Variants in HK3 observed in about 807,000 individuals in gnomAD.
HK3 encodes hexokinase 3.
In HK3, 93 loss-of-function variants were observed where a neutral mutation model predicts 91.0. The observed-to-expected ratio is 1.02, with a 90% CI of 0.86 to 1.21. HK3 has a LOEUF of 1.21. Among genes scored for constraint, HK3 ranks in the 50% most tolerant of loss-of-function variants. The pLI is 0.00. For synonymous variants in HK3, 519 were observed against 516.9 expected, an observed-to-expected ratio of 1.00 and a Z score of -0.06; for missense variants, 1,235 against 1,247.4, an observed-to-expected ratio of 0.99 and a Z score of 0.15.
chr5:176,887,182 A>C lies in HK3; in HGVS notation c.1737+19T>G. ...CAGCCCTTCCCCACCTCTGACATCA[A>C]GGTTCAGGCTGTGGGTACCTGCTGC... On this transcript the variant is annotated intron_variant, in intron 12 of 18. Transcript: ENST00000292432. The surrounding 1 kb of genome is among the most constrained non-coding windows in gnomAD (Gnocchi z 4.9). The C allele has an allele frequency of 2.5e-6, 4 of 1,614,136 alleles. No homozygotes were observed. Among genetic ancestry groups the C allele is most frequent in the Non-Finnish European group, 3.4e-6 (4 of 1,180,026 alleles).
At chr5:176,888,645 C>CAGAG in intron 9 of HK3, 64 bp downstream of exon 9, 1 of 1,611,546 alleles carries the variant, frequency 6.2e-7, no homozygotes, top group Non-Finnish European at 8.5e-7. Context: ...ACCTTGGGAA[C>CAGAG]AGAGTATCAT....
At position 176,881,186 on chromosome 5, in the gene HK3, C is replaced by A. The variant is rs945052976; in HGVS notation, c.2659G>T (p.Glu887Ter). 4.9e-5 allele frequency: 79 copies of A among 1,613,040 alleles called. No individual in the cohort carries two copies. Among genetic ancestry groups the A allele is most frequent in the Non-Finnish European group, 6.4e-5 (76 of 1,179,958 alleles). ...FSSLVAATVRELAPRCVVTFL... is the reference protein window; with the variant it reads ...FSSLVAATVR The stretch of plus-strand genomic sequence containing the variant: ...GTGACCACACAGCGAGGGGCCAGCT[C>A]CCGCACTGTGGCCGCCACCAGGCTG... The change falls in exon 19 of 19, where the codon GAG becomes TAG. Residue 887 changes from glutamate to a stop codon, truncating the protein, a stop_gained. Transcript: ENST00000292432. LOFTEE classifies it high-confidence loss of function.
At chr5:176,891,295 T>C (rs757781327) in intron 3 of HK3, 93 bp downstream of exon 3, 2 of 1,607,602 alleles carry the variant, frequency 1.2e-6, no homozygotes, top group African/African-American at 1.3e-5. Context: ...CAAGGGGCCA[T>C]AGAGATGGGG....
chr5:176,896,709 G>A (rs992508312), intron 1 of HK3, among the ~76,000 whole-genome samples: 12 of 152,212 alleles, frequency 7.9e-5, no homozygotes, highest in African/African-American at 2.9e-4. Context: ...CCAGGCTAAG[G>A]CACATGAATT....
Position 176,890,688 on chromosome 5 carries a change from C to T in HK3, c.577G>A (p.Val193Met). The T allele has an allele frequency of 4.3e-6, 7 of 1,614,204 alleles. No homozygotes were observed. Among genetic ancestry groups the T allele is most frequent in the Non-Finnish European group, 5.9e-6 (7 of 1,180,020 alleles). ...SWTKGFRCSG[V>M]EGQDVVQLLR... Reference sequence around the variant, plus strand: ...AGCTGGACCACATCCTGGCCTTCCACACCACTGCACCTAAAACCTTTGGTC... The same window carrying T: ...AGCTGGACCACATCCTGGCCTTCCATACCACTGCACCTAAAACCTTTGGTC... The change falls in exon 6 of 19, where the codon GTG becomes ATG. Residue 193 changes from valine (V) to methionine (M), a missense_variant. Transcript: ENST00000292432.
In HK3 at chr5:176,882,015, G is replaced by A; in HGVS notation, c.2166C>T (p.Gly722=). The stretch of plus-strand genomic sequence containing the variant: ...AGCGGGTGCTGAGCATGGCCAGAGA[G>A]CCATCGTCCCCAAAGGCGCCCCACT... ...NMEWGAFGDD[G]SLAMLSTRFD... is the part of the protein sequence containing the mutation. The change falls in exon 16 of 19, where the codon GGC becomes GGT. Residue 722 remains glycine, a synonymous_variant. Coordinates refer to ENST00000292432, the MANE Select transcript of HK3 (RefSeq NM_002115.3). 1 of 1,613,304 alleles carries A rather than the reference G, an allele frequency of 6.2e-7. No homozygotes were observed. Among genetic ancestry groups the A allele is most frequent in the South Asian group, 1.1e-5 (1 of 91,080 alleles).
rs1758656908 is a variant in HK3, at chr5:176,888,333, T to G, written c.1303A>C (p.Arg435=). 6.4e-7 allele frequency: 1 copy of G among 1,553,360 alleles called. No individual in the cohort carries two copies. Among genetic ancestry groups the G allele is most frequent in the African/African-American group, 1.4e-5 (1 of 73,248 alleles). ...ATGCGGATCACGTTTCCACAATACC[T>G]GGGGTGCCGCTCACACACTCGGCCT... ...TGGRVCERHP[R]FCSVLQGTVM... is the part of the protein sequence containing the mutation. Residue 435 remains arginine, a splice_region_variant and synonymous_variant, in exon 10 of 19, where the codon AGG becomes CGG. Transcript: ENST00000292432.
At chr5:176,893,749 G>A (rs1280391867) in intron 2 of HK3, among the ~76,000 whole-genome samples, 4 of 152,208 alleles carry the variant, frequency 2.6e-5, no homozygotes, top group Non-Finnish European at 5.9e-5. Flanking sequence ...TTCGGGAGGA[G>A]AGACTAGAAG....
In HK3 at chr5:176,887,117, A is replaced by G; in HGVS notation, c.1742T>C (p.Phe581Ser). The change falls in exon 13 of 19, where the codon TTT (phenylalanine) becomes TCT (serine). Residue 581 changes from phenylalanine (F) to serine (S), a missense_variant. By Grantham distance (155) the Phe-to-Ser change is radical. Around this residue, in one of 3 missense-constraint regions of HK3, gnomAD observed 513 missense variants for 477.4 expected, o/e 1.07. Transcript: ENST00000292432. This position sits in a 1 kb window ranked among gnomAD's most constrained non-coding sequence, Gnocchi z 4.9. Reference sequence around the variant, plus strand: ...CACGATGCAGTCCACGATGTGGTCAAAGAGCTGTGGGGCAGGACAGGTCAG... The same window carrying G: ...CACGATGCAGTCCACGATGTGGTCAGAGAGCTGTGGGGCAGGACAGGTCAG... ...TVAQGSGQQL[F>S]DHIVDCIVDF... The G allele has an allele frequency of 6.2e-7, 1 of 1,614,210 alleles. No homozygotes were observed. Among genetic ancestry groups the G allele is most frequent in the Non-Finnish European group, 8.5e-7 (1 of 1,180,034 alleles).
chr5:176,895,069 G>A (rs529355320), intron 2 of HK3, among the ~76,000 whole-genome samples: 63 of 142,456 alleles, frequency 4.4e-4, no homozygotes, highest in African/African-American at 1.5e-3. Context: ...GAGCCACTGC[G>A]CCCGGACTTT....
rs754314452 is a variant in HK3, at chr5:176,889,533, C to T, written c.762G>A (p.Glu254=). The T allele has an allele frequency of 1.9e-6, 3 of 1,614,218 alleles. No homozygotes were observed. The highest frequency in any genetic ancestry group is 2.2e-5 in the South Asian group (2 of 91,086). ...CGTCCAGCACTGCCACATGCCGTGC[C>T]TCCTCCATGTAACACGCGTTGGTGC... ...DTGTNACYME[E]ARHVAVLDED... Residue 254 remains glutamate (E), a synonymous_variant, in exon 8 of 19, where the codon GAG becomes GAA. Coordinates refer to ENST00000292432, the MANE Select transcript of HK3 (RefSeq NM_002115.3).
Position 176,891,200 on chromosome 5 carries a change from C to T in HK3, c.260-9G>A. 3 of 1,614,094 alleles carry T rather than the reference C, an allele frequency of 1.9e-6. No homozygotes were observed. Among genetic ancestry groups the T allele is most frequent in the South Asian group, 1.1e-5 (1 of 91,090 alleles). On this transcript the variant is annotated splice_polypyrimidine_tract_variant and intron_variant, in intron 3 of 18. Coordinates refer to ENST00000292432, the MANE Select transcript of HK3 (RefSeq NM_002115.3). ...CACGAAGTCTCCTTGCTCTGGAGGG[C>T]AAGCAGGTCACAGAAAGCCATGCAG...
rs776743604 is a variant in HK3 at position 176,881,880 on chromosome 5, C to T, written c.2238-33G>A. 8.1e-6 allele frequency: 13 copies of T among 1,612,040 alleles called. No homozygotes were observed. In the East Asian group the frequency reaches 8.9e-5, roughly 11 times the overall value. Reference sequence around the variant, plus strand: ...AACATGTGTGCACTCGGCAGAAGGCCCCACCAGCCACCATCCCCAGCACCG... The same window carrying T: ...AACATGTGTGCACTCGGCAGAAGGCTCCACCAGCCACCATCCCCAGCACCG... On this transcript the variant is annotated intron_variant, in intron 16 of 18. Transcript: ENST00000292432.
chr5:176,888,356 C>A lies in HK3; in HGVS notation c.1280G>T (p.Gly427Val). 1.3e-6 allele frequency: 2 copies of A among 1,558,724 alleles called. No homozygotes were observed. The highest frequency in any genetic ancestry group is 1.7e-6 in the Non-Finnish European group (2 of 1,150,746). Residue 427 changes from glycine to valine, a missense_variant, in exon 10 of 19, where the codon GGC becomes GTC. By Grantham distance (109) the Gly-to-Val change is moderately radical. Around this residue, in one of 3 missense-constraint regions of HK3, gnomAD observed 717 missense variants for 751.6 expected, o/e 0.95. Coordinates refer to ENST00000292432, the MANE Select transcript of HK3 (RefSeq NM_002115.3). ...QTLQVAVATG[G>V]RVCERHPRFC... Reference sequence around the variant, plus strand: ...CCTGGGGTGCCGCTCACACACTCGGCCTCCGGTGGCCACAGCAACCTGGAG... The same window carrying A: ...CCTGGGGTGCCGCTCACACACTCGGACTCCGGTGGCCACAGCAACCTGGAG...
chr5:176,888,719 C>G lies in HK3; in HGVS notation c.1060G>C (p.Glu354Gln). Residue 354 changes from glutamate (E) to glutamine (Q), a missense_variant, in exon 9 of 19, where the codon GAG becomes CAG. Physicochemically the swap from Glu to Gln is conservative, Grantham distance 29. Around this residue, in one of 3 missense-constraint regions of HK3, gnomAD observed 717 missense variants for 751.6 expected, o/e 0.95. Transcript: ENST00000292432. Reference protein sequence around the residue: ...QGSILLEHVAEMEDPSTGAAR... With the variant: ...QGSILLEHVAQMEDPSTGAAR... The stretch of plus-strand genomic sequence containing the variant: ...ATCTCCCCGACTCACTCCTCCATCT[C>G]AGCCACGTGTTCCAGGAGGATGCTG... 6.2e-7 allele frequency: 1 copy of G among 1,614,256 alleles called. No individual in the cohort carries two copies.
intron 13 of HK3, among the ~76,000 whole-genome samples, chr5:176,886,267 C>G (rs1758581918): frequency 6.6e-6 from 1 of 151,768 alleles, no homozygotes; most frequent in South Asian, 2.1e-4. Flanking sequence ...AGAGAGAGGT[C>G]AGAGCAGGAG....
Position 176,890,810 on chromosome 5 carries a change from A to C in HK3, c.534+12T>G, listed in dbSNP as rs746713328. On this transcript the variant is annotated intron_variant, in intron 5 of 18. Transcript: ENST00000292432. ...ACCCTCTACCCAGCGTCCCATGTCC[A>C]CTCCACCTCACCCTGTCCAAGCCCG... 5 of 1,613,696 alleles carry C rather than the reference A, an allele frequency of 3.1e-6. No homozygotes were observed. The Admixed American group carries it at 8.3e-5, about 27-fold the overall frequency.
chr5:176,887,352 A>T lies in HK3; in HGVS notation c.1601-15T>A. 2 of 1,613,718 alleles carry T rather than the reference A, an allele frequency of 1.2e-6. No homozygotes were observed. The highest frequency in any genetic ancestry group is 1.1e-5 in the South Asian group (1 of 91,072). On this transcript the variant is annotated splice_polypyrimidine_tract_variant and intron_variant, in intron 11 of 18. Transcript: ENST00000292432. This position sits in a 1 kb window ranked among gnomAD's most constrained non-coding sequence, Gnocchi z 4.9. ...ATCCCCTCGCTCTGTGGGGGCAGAG[A>T]CCCTCAGTGCCGGGATAGGGCTTGT...
intron 13 of HK3, among the ~76,000 whole-genome samples, chr5:176,885,239 G>T (rs945550174): frequency 1.3e-5 from 2 of 152,206 alleles, no homozygotes; most frequent in Admixed American, 6.5e-5. Flanking sequence ...TGCACAGGAA[G>T]GTGTCGAGAC....
Sources: allele counts gnomAD v4.1 joint callset (sites outside exome capture counted in the v4.1 genomes callset), GRCh38; gene constraint gnomAD v4.1.1; regional missense constraint gnomAD v4.1.1; non-coding constraint Gnocchi (gnomAD v3.1); transcripts MANE v1.5; gene names NCBI Gene and HGNC (gene_info 2026-07-23, HGNC 2026-07-21).